ZDHHC3: variants seen among roughly 807,000 people sequenced by gnomAD.
The protein encoded by ZDHHC3 is palmitoyltransferase ZDHHC3.
In ZDHHC3, 9 loss-of-function variants were observed where a neutral mutation model predicts 30.6. That is an observed-to-expected ratio of 0.29 (90% confidence interval 0.18 to 0.51). ZDHHC3 has a LOEUF of 0.51. Ranked by LOEUF, ZDHHC3 falls within the 20% of genes least tolerant of loss-of-function variation. ZDHHC3 has a pLI of 0.97. For synonymous variants in ZDHHC3, 136 were observed against 140.2 expected (o/e 0.97, Z 0.21); for missense variants, 246 against 384.2 (o/e 0.64, Z 3.01).
intron 1 of ZDHHC3, among the ~76,000 whole-genome samples, chr3:44,964,608 G>A (rs902773752): frequency 6.6e-6 from 1 of 152,208 alleles, no homozygotes; most frequent in Non-Finnish European, 1.5e-5. Flanking sequence ...AGTTGTGCAG[G>A]AATAGTACTC....
chr3:44,923,535 C>T lies in ZDHHC3; in HGVS notation c.*3154G>A, dbSNP rs546093738. On this transcript the variant is annotated 3_prime_UTR_variant, in exon 7 of 7. Transcript: ENST00000424952. ...AGAAGTACAGGGCTGGGCCCAGTGG[C>T]TCACGCCTGTAATCCCAGGACTTTG... 1 of 985,362 alleles carries T rather than the reference C, an allele frequency of 1.0e-6. No individual in the cohort carries two copies. Among genetic ancestry groups the T allele is most frequent in the South Asian group, 4.7e-5 (1 of 21,288 alleles). The allele number at this position is 985,362 out of a possible 1,614,324, so 61.0% of individuals were successfully genotyped here.
At chr3:44,942,539 C>A (rs191242468) in intron 3 of ZDHHC3, among the ~76,000 whole-genome samples, 165 of 152,338 alleles carry the variant, frequency 1.1e-3, no homozygotes, top group East Asian at 5.2e-3. Context: ...GTGGAGGCAG[C>A]TGAGGGCTCA....
At chr3:44,930,408 C>G (rs1701391259) in intron 5 of ZDHHC3, among the ~76,000 whole-genome samples, 1 of 152,212 alleles carries the variant, frequency 6.6e-6, no homozygotes. Context: ...GGTTGGCACT[C>G]TTCACCTAAG....
At chr3:44,931,928 G>A (rs1320868222) in intron 5 of ZDHHC3, among the ~76,000 whole-genome samples, 1 of 152,134 alleles carries the variant, frequency 6.6e-6, no homozygotes, top group African/African-American at 2.4e-5. Flanking sequence ...AAAGCCCTTT[G>A]GGCCATTCCT....
chr3:44,965,531 G>A (rs1313184419), intron 1 of ZDHHC3, among the ~76,000 whole-genome samples: 1 of 152,186 alleles, frequency 6.6e-6, no homozygotes, highest in Non-Finnish European at 1.5e-5. Context: ...GCCTGGCCAA[G>A]TGTTGACTGC....
intron 2 of ZDHHC3, among the ~76,000 whole-genome samples, chr3:44,954,257 G>A (rs1372147256): frequency 6.6e-6 from 1 of 152,060 alleles, no homozygotes; most frequent in African/African-American, 2.4e-5. Flanking sequence ...TTAACAATGT[G>A]GTTAAATTGA....
At chr3:44,939,185 A>G (rs1235142398) in intron 3 of ZDHHC3, among the ~76,000 whole-genome samples, 12 of 152,240 alleles carry the variant, frequency 7.9e-5, no homozygotes, top group Non-Finnish European at 2.9e-5. Context: ...TAAGAAAAGG[A>G]GACACAAAAG....
At chr3:44,954,051 G>A (rs1255567636) in intron 2 of ZDHHC3, among the ~76,000 whole-genome samples, 2 of 152,222 alleles carry the variant, frequency 1.3e-5, no homozygotes, top group Non-Finnish European at 2.9e-5. Flanking sequence ...AGAGACTCCA[G>A]AAGGGAATAC....
intron 1 of ZDHHC3, among the ~76,000 whole-genome samples, chr3:44,962,044 T>C (rs573023974): frequency 2.0e-5 from 3 of 152,380 alleles, no homozygotes; most frequent in South Asian, 4.1e-4. Flanking sequence ...CTTGGTGTGA[T>C]GGAGATCGTC....
rs548743137 is a variant in ZDHHC3, at chr3:44,925,964, A to C, written c.*725T>G. On this transcript the variant is annotated 3_prime_UTR_variant, in exon 7 of 7. Coordinates refer to ENST00000424952, the MANE Select transcript of ZDHHC3 (RefSeq NM_001135179.2). ...TGTATAAGGCATTTTGAACTGGAAA[A>C]ACGTCTTTCCTACACACTCTTCCAA... 2 of 985,758 alleles carry C rather than the reference A, an allele frequency of 2.0e-6. No individual in the cohort carries two copies. The highest frequency in any genetic ancestry group is 1.7e-5 in the African/African-American group (1 of 57,324). 61.1% of individuals were successfully genotyped at this position (985,758 alleles called of 1,614,324 possible). A position where few individuals can be genotyped will look rare whatever the true frequency, so the allele number is the denominator to read the frequency against.
intron 3 of ZDHHC3, among the ~76,000 whole-genome samples, chr3:44,935,614 T>C (rs1002274049): frequency 2.6e-5 from 4 of 152,204 alleles, no homozygotes; most frequent in African/African-American, 4.8e-5. Context: ...TGATGCCAAG[T>C]AGCCATGGAA....
In ZDHHC3 at chr3:44,922,721, C is replaced by A; in HGVS notation, c.*3968G>T. 2 of 984,936 alleles carry A rather than the reference C, an allele frequency of 2.0e-6. No individual in the cohort carries two copies. The highest frequency in any genetic ancestry group is 2.4e-6 in the Non-Finnish European group (2 of 829,536). The allele number at this position is 984,936 out of a possible 1,614,324, so 61.0% of individuals were successfully genotyped here. On this transcript the variant is annotated 3_prime_UTR_variant, in exon 7 of 7. Coordinates refer to ENST00000424952, the MANE Select transcript of ZDHHC3 (RefSeq NM_001135179.2). ...ACCTGGAGGGCTGTTAAGACACGGG[C>A]TGCTGGGCCCCGCTCGGTTTCTGGT...
intron 6 of ZDHHC3, among the ~76,000 whole-genome samples, chr3:44,927,908 G>C (rs1006255979): frequency 1.3e-5 from 2 of 152,240 alleles, no homozygotes; most frequent in African/African-American, 4.8e-5. Context: ...AGGCCAAAGG[G>C]AAGACACCCC....
At chr3:44,975,770 T>TCACACACACACACACACACACA (rs3082727) in intron 1 of ZDHHC3, among the ~76,000 whole-genome samples, 163 bp downstream of exon 1, 1 of 111,492 alleles carries the variant, frequency 9.0e-6, no homozygotes, top group South Asian at 3.5e-4. Flanking sequence ...TCTCTCTCTC[T>TCACACACACACACACACACACA]CTCACACACA....
At chr3:44,933,663 C>G (rs1353875084) in intron 4 of ZDHHC3, among the ~76,000 whole-genome samples, 3 of 152,206 alleles carry the variant, frequency 2.0e-5, no homozygotes, top group Non-Finnish European at 2.9e-5. Context: ...CAGAATACAG[C>G]CCTTGCTCAT....
rs747787956 is a variant in ZDHHC3, at chr3:44,933,521, A to G, written c.529-322T>C. The G allele has an allele frequency of 2.1e-4, 114 of 536,944 alleles. 2 individuals carry two copies. The highest frequency in any genetic ancestry group is 1.0e-3 in the Middle Eastern group (2 of 2,004). 33.3% of individuals were successfully genotyped at this position (536,944 alleles called of 1,614,324 possible). On this transcript the variant is annotated intron_variant, in intron 4 of 6. Coordinates refer to ENST00000424952, the MANE Select transcript of ZDHHC3 (RefSeq NM_001135179.2). The stretch of plus-strand genomic sequence containing the variant: ...GCTGTACCTCCTCCCTTGAAAAGCC[A>G]GGGTGCTGACTGCTGAGGGCCCTTC...
In ZDHHC3 at chr3:44,922,904, C is replaced by T. The variant is rs1370195964; in HGVS notation, c.*3785G>A. ...ACATTTCTTTGATATCTAAGGGCAC[C>T]TTCTAGGTGGGGCGCCTTCCCCTCT... On this transcript the variant is annotated 3_prime_UTR_variant, in exon 7 of 7. Coordinates refer to ENST00000424952, the MANE Select transcript of ZDHHC3 (RefSeq NM_001135179.2). The T allele has an allele frequency of 5.1e-6, 5 of 985,110 alleles. No homozygotes were observed. The highest frequency in any genetic ancestry group is 6.0e-6 in the Non-Finnish European group (5 of 829,908). 61.0% of individuals were successfully genotyped at this position (985,110 alleles called of 1,614,324 possible).
intron 6 of ZDHHC3, 91 bp downstream of exon 6, chr3:44,929,215 A>G (rs2125813333): frequency 6.6e-7 from 1 of 1,514,602 alleles, no homozygotes; most frequent in Non-Finnish European, 8.9e-7. Flanking sequence ...ACTGGGCTCC[A>G]GTCTGACTGT....
At position 44,929,433 on chromosome 3, in the gene ZDHHC3, C is replaced by T; in HGVS notation, c.614G>A (p.Cys205Tyr). 1 of 1,613,884 alleles carries T rather than the reference C, an allele frequency of 6.2e-7. No individual in the cohort carries two copies. The highest frequency in any genetic ancestry group is 8.5e-7 in the Non-Finnish European group (1 of 1,179,880). ...TGTGGTGGGTGGAGAGAAGGAGCTG[C>T]ACTCTGAAAGAGAAGCAGCACACAG... is the stretch of plus-strand genomic sequence containing the variant. ...LHCFEEDWTK[C>Y]SSFSPPTTVI... is the part of the protein sequence containing the mutation. The change falls in exon 6 of 7, where the codon TGC (cysteine) becomes TAC (tyrosine). Residue 205 changes from cysteine (C) to tyrosine (Y), a missense_variant. Physicochemically the swap from Cys to Tyr is radical, Grantham distance 194. Transcript: ENST00000424952.
Sources: allele counts gnomAD v4.1 joint callset (sites outside exome capture counted in the v4.1 genomes callset), GRCh38; gene constraint gnomAD v4.1.1; transcripts MANE v1.5; gene names NCBI Gene and HGNC (gene_info 2026-07-23, HGNC 2026-07-21).